The following MINDY2 variants were observed in gnomAD, a reference collection of about 807,000 sequenced individuals.
MINDY2 encodes the protein MINDY lysine 48 deubiquitinase 2.
A neutral mutation model predicts 68.2 loss-of-function variants in MINDY2; 52 were observed. The ratio of observed to expected loss-of-function variants is 0.76; its 90% confidence interval spans 0.61 to 0.96. The LOEUF (loss-of-function observed/expected upper bound fraction) is 0.96, where lower values mean the gene tolerates loss of function less well. Ranked by LOEUF, MINDY2 falls within the 40% of genes least tolerant of loss-of-function variation. The pLI is 0.00. For synonymous variants in MINDY2, 372 were observed against 303.0 expected (o/e 1.23, Z -2.36); for missense variants, 881 against 773.4 (o/e 1.14, Z -1.65).
intron 1 of MINDY2, among the ~76,000 whole-genome samples, chr15:58,777,717 C>T (rs143469071): frequency 2.0e-5 from 3 of 152,168 alleles, no homozygotes; most frequent in East Asian, 1.9e-4. Context: ...ACATTTAATT[C>T]GAGCTCAAAT....
intron 2 of MINDY2, among the ~76,000 whole-genome samples, chr15:58,799,578 CA>C (rs34347740): frequency 0.59 from 67,455 of 114,880 alleles, 18,207 homozygotes; most frequent in East Asian, 0.91. Context: ...GACTCCATCT[CA>C]AAAAAAAAAA....
intron 1 of MINDY2, among the ~76,000 whole-genome samples, chr15:58,782,261 A>G (rs115544878): frequency 9.1e-4 from 139 of 152,306 alleles, no homozygotes; most frequent in African/African-American, 3.2e-3. Flanking sequence ...TGAATATATA[A>G]ATGCTACATA....
At chr15:58,776,079 C>T (rs1295405024) in intron 1 of MINDY2, among the ~76,000 whole-genome samples, 4 of 151,922 alleles carry the variant, frequency 2.6e-5, no homozygotes, top group Non-Finnish European at 4.4e-5. Context: ...TGGCTGGTCT[C>T]GAACTCCTGA....
intron 2 of MINDY2, among the ~76,000 whole-genome samples, chr15:58,801,843 C>G (rs1902683977): frequency 6.6e-6 from 1 of 152,100 alleles, no homozygotes; most frequent in Admixed American, 6.5e-5. Context: ...AGGCTGAACT[C>G]CTGACCTCAG....
intron 4 of MINDY2, chr15:58,817,573 A>C (rs538913868): frequency 1.7e-4 from 26 of 152,208 alleles, no homozygotes; most frequent in African/African-American, 6.0e-4. Flanking sequence ...AAATACAAAA[A>C]TTAGCCGGGC....
intron 1 of MINDY2, among the ~76,000 whole-genome samples, chr15:58,780,083 T>C (rs1901034622): frequency 6.6e-6 from 1 of 152,162 alleles, no homozygotes; most frequent in South Asian, 2.1e-4. Context: ...GAAATCCTTA[T>C]GTAGACTATT....
At position 58,810,321 on chromosome 15, in the gene MINDY2, C is replaced by T. The variant is rs775549688; in HGVS notation, c.1055C>T (p.Thr352Ile). ...RFTGVRVFEY[T>I]PECIVFDLLD... ...ACTGGTGTTCGAGTGTTTGAATATA[C>T]ACCAGAATGCATAGTATTTGATCTT... is the stretch of plus-strand genomic sequence containing the variant. Residue 352 changes from threonine to isoleucine, a missense_variant, in exon 4 of 9, where the codon ACA becomes ATA. Thr to Ile is a moderately conservative substitution (Grantham distance 89). Transcript: ENST00000559228. 1 of 1,613,828 alleles carries T rather than the reference C, an allele frequency of 6.2e-7. No homozygotes were observed. The highest frequency in any genetic ancestry group is 1.7e-5 in the Admixed American group (1 of 59,964).
intron 3 of MINDY2, among the ~76,000 whole-genome samples, chr15:58,803,766 A>C (rs1468462393): frequency 6.6e-6 from 1 of 151,960 alleles, no homozygotes; most frequent in Non-Finnish European, 1.5e-5. Flanking sequence ...CAGTGAGCCG[A>C]GATTGCGTCA....
chr15:58,801,926 A>C (rs548699364), intron 2 of MINDY2, among the ~76,000 whole-genome samples: 1 of 152,316 alleles, frequency 6.6e-6, no homozygotes, highest in East Asian at 1.9e-4. Flanking sequence ...CCAGATGCCA[A>C]ACTTCTTTTT....
At chr15:58,842,968 C>CT (rs1321910597) in intron 6 of MINDY2, among the ~76,000 whole-genome samples, 1 of 152,026 alleles carries the variant, frequency 6.6e-6, no homozygotes, top group Non-Finnish European at 1.5e-5. Flanking sequence ...TAAGAAAGTG[C>CT]TTTTTTGGAT....
intron 3 of MINDY2, among the ~76,000 whole-genome samples, chr15:58,808,631 G>T (rs901660309): frequency 6.6e-6 from 1 of 151,994 alleles, no homozygotes; most frequent in Non-Finnish European, 1.5e-5. Context: ...TTGAGACAGA[G>T]TCTCGCCCTG....
At chr15:58,830,281 T>A (rs773078737) in intron 5 of MINDY2, among the ~76,000 whole-genome samples, 4 of 152,182 alleles carry the variant, frequency 2.6e-5, no homozygotes, top group Non-Finnish European at 5.9e-5. Flanking sequence ...CATAAACTTG[T>A]TTTATGTGTG....
intron 3 of MINDY2, among the ~76,000 whole-genome samples, chr15:58,807,379 C>T (rs1340982446): frequency 8.2e-6 from 1 of 122,686 alleles, no homozygotes; most frequent in Admixed American, 9.7e-5. Flanking sequence ...TTTTTGAGAC[C>T]GAGTCTTGCT....
At chr15:58,798,877 G>T (rs1356823045) in intron 2 of MINDY2, among the ~76,000 whole-genome samples, 1 of 152,122 alleles carries the variant, frequency 6.6e-6, no homozygotes, top group Non-Finnish European at 1.5e-5. Flanking sequence ...ATTTTTCTTG[G>T]AAAGAGTAAT....
chr15:58,815,157 A>G (rs1233964313), intron 4 of MINDY2: 2 of 152,126 alleles, frequency 1.3e-5, no homozygotes, highest in African/African-American at 4.8e-5. Context: ...TTATTCATAT[A>G]CATGTAGATA....
chr15:58,810,080 C>T (rs28537903), intron 3 of MINDY2, 150 bp from the exon 4 acceptor site: 124,596 of 682,674 alleles, frequency 0.18, 14,732 homozygotes, highest in East Asian at 0.54. Flanking sequence ...TAGCTTCTGA[C>T]ACATAGTAGA....
chr15:58,830,731 G>T (rs2031664045), intron 5 of MINDY2, among the ~76,000 whole-genome samples: 1 of 152,078 alleles, frequency 6.6e-6, no homozygotes, highest in Non-Finnish European at 1.5e-5. Flanking sequence ...CCAACAGAAA[G>T]CATAAAAATG....
intron 3 of MINDY2, among the ~76,000 whole-genome samples, chr15:58,805,405 T>C (rs1185173160): frequency 6.6e-6 from 1 of 152,212 alleles, no homozygotes; most frequent in Non-Finnish European, 1.5e-5. Flanking sequence ...CCAGAAGTTG[T>C]AATGTAAGCA....
chr15:58,820,955 AAATATATTTTTAT>A (rs1243420173), intron 4 of MINDY2, among the ~76,000 whole-genome samples: 1 of 150,814 alleles, frequency 6.6e-6, no homozygotes, highest in East Asian at 1.9e-4. Flanking sequence ...AAATAAATAT[AAATATATTTTTAT>A]ATATGGAAAG....
Sources: gnomAD v4.1 joint callset for allele counts (sites outside exome capture counted in the v4.1 genomes callset) on GRCh38, gnomAD v4.1.1 for gene constraint, MANE v1.5 for transcripts, NCBI Gene and HGNC (gene_info 2026-07-23, HGNC 2026-07-21) for gene names.